Variants in PGM2 observed in about 807,000 individuals in gnomAD.
PGM2 encodes the protein phosphopentomutase.
Under a neutral mutation model 74.6 loss-of-function variants are expected in PGM2, and 57 were observed. That is an observed-to-expected ratio of 0.76 (90% confidence interval 0.62 to 0.95). PGM2 has a LOEUF of 0.95. PGM2 is among the 40% of genes least tolerant of loss of function. The pLI is 0.00. For missense variants in PGM2, 706 were observed against 741.9 expected (o/e 0.95, Z 0.56); for synonymous variants, 273 against 260.7 (o/e 1.05, Z -0.46).
chr4:37,843,651 C>T (rs1485408915), intron 6 of PGM2, among the ~76,000 whole-genome samples: 1 of 151,098 alleles, frequency 6.6e-6, no homozygotes, highest in Admixed American at 6.6e-5. Flanking sequence ...CTCTTGTTGC[C>T]CAGGTTGGAA....
rs574168507 is a variant in PGM2 at position 37,840,084 on chromosome 4, G to A, written c.544G>A (p.Ala182Thr). The A allele has an allele frequency of 1.9e-6, 3 of 1,613,682 alleles. No individual in the cohort carries two copies. The highest frequency in any genetic ancestry group is 2.5e-6 in the Non-Finnish European group (3 of 1,179,644). Residue 182 changes from alanine to threonine, a missense_variant, in exon 6 of 14, where the codon GCT becomes ACT. Ala to Thr is a moderately conservative substitution (Grantham distance 58). This residue lies in a region of PGM2 where 332 missense variants were observed against 334.9 expected (regional missense o/e 0.99). Coordinates refer to ENST00000381967, the MANE Select transcript of PGM2 (RefSeq NM_018290.4). ...CCTCTAGGTCTATTGGGATAATGGAGCTCAGATCATTTCTCCTCACGATAA... is the reference window on the plus strand; with the variant it reads ...CCTCTAGGTCTATTGGGATAATGGAACTCAGATCATTTCTCCTCACGATAA... ...NGYKVYWDNG[A>T]QIISPHDKGI...
intron 8 of PGM2, among the ~76,000 whole-genome samples, 162 bp from the exon 9 acceptor site, chr4:37,846,769 T>C (rs545315596): frequency 5.3e-5 from 8 of 152,356 alleles, no homozygotes; most frequent in Non-Finnish European, 2.9e-5. Context: ...AAATGGCAGT[T>C]ACATTTCTGA....
intron 10 of PGM2, among the ~76,000 whole-genome samples, chr4:37,847,804 T>G (rs1361108401): frequency 6.6e-6 from 1 of 152,210 alleles, no homozygotes; most frequent in Non-Finnish European, 1.5e-5. Context: ...TCAATATAAA[T>G]GAACAGAAAG....
intron 2 of PGM2, 80 bp from the exon 3 acceptor site, chr4:37,834,538 T>C: frequency 1.4e-6 from 1 of 705,018 alleles, no homozygotes. Flanking sequence ...TGAGAAAACT[T>C]AATTTTTGGC....
At chr4:37,848,824 C>G (rs1042969775) in intron 11 of PGM2, among the ~76,000 whole-genome samples, 173 bp downstream of exon 11, 5 of 152,268 alleles carry the variant, frequency 3.3e-5, no homozygotes, top group Middle Eastern at 3.4e-3. Context: ...AATCCCAGCA[C>G]TTTGGGAGGC....
Position 37,837,525 on chromosome 4 carries a change from T to C in PGM2, c.357-4T>C. On this transcript the variant is annotated splice_region_variant and splice_polypyrimidine_tract_variant and intron_variant, in intron 3 of 13. Transcript: ENST00000381967. ...TTTTCTTCCCTGTCACTCTGCATTC[T>C]CAGGTTTGCCCGACTTGCTGCAACC... is the stretch of plus-strand genomic sequence containing the variant. The C allele has an allele frequency of 6.3e-7, 1 of 1,598,070 alleles. No homozygotes were observed. Among genetic ancestry groups the C allele is most frequent in the Non-Finnish European group, 8.6e-7 (1 of 1,165,364 alleles).
chr4:37,849,348 T>C (rs1169639248), intron 11 of PGM2, among the ~76,000 whole-genome samples: 1 of 150,396 alleles, frequency 6.6e-6, no homozygotes, highest in East Asian at 1.9e-4. Context: ...TCTGTGCAAA[T>C]GCAGGCGGAA....
chr4:37,856,321 C>T (rs13144261), intron 13 of PGM2, among the ~76,000 whole-genome samples: 69,622 of 151,700 alleles, frequency 0.46, 16,304 homozygotes, highest in Non-Finnish European at 0.49. Flanking sequence ...GTAGGCGGAG[C>T]TTGCAGTGAG....
rs549233263 is a variant in PGM2, at chr4:37,852,830, A to G, written c.1602+2457A>G. Among the ~76,000 whole-genome samples the G allele has an allele frequency of 2.0e-5, 3 of 152,224 alleles. No homozygotes were observed. In the East Asian group the frequency reaches 5.8e-4, roughly 29 times the overall value. On this transcript the variant is annotated intron_variant, in intron 12 of 13. Coordinates refer to ENST00000381967, the MANE Select transcript of PGM2 (RefSeq NM_018290.4). The stretch of plus-strand genomic sequence containing the variant: ...CTTCAGGTTCTAAAATTTCACAGTG[A>G]TATGCTATAGTATGGGTCCCTTTTT...
intron 3 of PGM2, 148 bp from the exon 4 acceptor site, chr4:37,837,381 G>A (rs1725595741): frequency 3.0e-6 from 2 of 667,412 alleles, no homozygotes; most frequent in East Asian, 2.6e-5. Context: ...ACTGTCCCAT[G>A]CCAGGGTAAA....
At chr4:37,858,980 T>C (rs1214951808) in intron 13 of PGM2, among the ~76,000 whole-genome samples, 1 of 152,160 alleles carries the variant, frequency 6.6e-6, no homozygotes, top group Non-Finnish European at 1.5e-5. Flanking sequence ...TGCAGACATG[T>C]GATTTCTGTC....
chr4:37,856,683 G>A (rs142147565), intron 13 of PGM2, among the ~76,000 whole-genome samples: 66 of 152,256 alleles, frequency 4.3e-4, no homozygotes, highest in African/African-American at 1.4e-3. Context: ...CCAACATGCC[G>A]TTAACCAGCA....
chr4:37,850,156 T>C (rs368854723), intron 11 of PGM2, 28 bp from the exon 12 acceptor site: 1 of 1,288,480 alleles, frequency 7.8e-7, no homozygotes, highest in African/African-American at 1.5e-5. Flanking sequence ...TTGTTCCTCA[T>C]GTGCATGAAT....
chr4:37,854,951 G>A (rs1250956402), intron 12 of PGM2, among the ~76,000 whole-genome samples: 3 of 152,024 alleles, frequency 2.0e-5, no homozygotes, highest in Admixed American at 1.3e-4. Context: ...TGTACAATCC[G>A]ATGTTTTAAA....
At chr4:37,851,429 A>T (rs1236397071) in intron 12 of PGM2, among the ~76,000 whole-genome samples, 1 of 152,236 alleles carries the variant, frequency 6.6e-6, no homozygotes, top group African/African-American at 2.4e-5. Context: ...CACCAAGCAG[A>T]TCTTTCACTG....
rs11432971 is a variant in PGM2, at chr4:37,831,192, C to CAAAAA, written c.249+1078_249+1082dup. Among the ~76,000 whole-genome samples the CAAAAA allele has an allele frequency of 2.5e-3, 186 of 74,036 alleles. 14 individuals are homozygous for CAAAAA. Among genetic ancestry groups the CAAAAA allele is most frequent in the East Asian group, 3.8e-3 (11 of 2,914 alleles). 48.6% of individuals were successfully genotyped at this position (74,036 alleles called of 152,430 possible). A position where few individuals can be genotyped will look rare whatever the true frequency, so the allele number is the denominator to read the frequency against. On this transcript the variant is annotated intron_variant, in intron 2 of 13. Transcript: ENST00000381967. ...TGGGCAACAGAGCAAGACTCTGTCT[C>CAAAAA]AAAAAAAAAAAAAAAAAAAAAGAAT...
rs1476715375 is a variant in PGM2 at position 37,848,488 on chromosome 4, T to C, written c.1283-34T>C. 13 of 1,591,842 alleles carry C rather than the reference T, an allele frequency of 8.2e-6. 1 individual carries two copies. Among genetic ancestry groups the C allele is most frequent in the South Asian group, 5.6e-5 (5 of 89,356 alleles). ...ACTCATATGTGGTTTGACACAGTAT[T>C]GTATAGATGTATGTATGACGTGTGT... On this transcript the variant is annotated intron_variant, in intron 10 of 13. Coordinates refer to ENST00000381967, the MANE Select transcript of PGM2 (RefSeq NM_018290.4).
At chr4:37,829,329 C>T (rs1357663819) in intron 1 of PGM2, among the ~76,000 whole-genome samples, 1 of 152,176 alleles carries the variant, frequency 6.6e-6, no homozygotes, top group African/African-American at 2.4e-5. Context: ...GCTTCCCCAT[C>T]TATAAAATTG....
intron 12 of PGM2, among the ~76,000 whole-genome samples, chr4:37,850,991 A>AG (rs11404804): frequency 0.077 from 70 of 908 alleles, no homozygotes; most frequent in Admixed American, 0.37. Flanking sequence ...ACTTCATCTC[A>AG]AAAAAAAAAA....
Sources: gnomAD v4.1 joint callset for allele counts (sites outside exome capture counted in the v4.1 genomes callset) on GRCh38, gnomAD v4.1.1 for gene constraint, gnomAD v4.1.1 regional missense constraint, MANE v1.5 for transcripts, NCBI Gene and HGNC (gene_info 2026-07-23, HGNC 2026-07-21) for gene names.